Variants in ABTB2 observed in about 807,000 individuals in gnomAD.
ABTB2 encodes the protein ankyrin repeat and BTB domain containing 2.
In ABTB2, 56 loss-of-function variants were observed where a neutral mutation model predicts 104.1. The ratio of observed to expected loss-of-function variants is 0.54; its 90% CI spans 0.43 to 0.67. ABTB2 has a LOEUF of 0.67. Ranked by LOEUF, ABTB2 falls within the 30% of genes least tolerant of loss-of-function variation. The pLI is 0.00. For synonymous variants in ABTB2, 606 were observed against 608.2 expected, an observed-to-expected ratio of 1.00 and a Z score of 0.05; for missense variants, 1,279 against 1,407.7, an observed-to-expected ratio of 0.91 and a Z score of 1.46.
chr11:34,355,793 C>A (rs560728462), intron 1 of ABTB2, among the ~76,000 whole-genome samples: 1 of 152,156 alleles, frequency 6.6e-6, no homozygotes, highest in Non-Finnish European at 1.5e-5. Flanking sequence ...CAATGTCACA[C>A]CCCCTAACAT....
At chr11:34,304,831 C>T (rs1854752384) in intron 1 of ABTB2, among the ~76,000 whole-genome samples, 1 of 152,240 alleles carries the variant, frequency 6.6e-6, no homozygotes, top group African/African-American at 2.4e-5. Context: ...ACCCAAAAGC[C>T]ACAGAGGCCC....
chr11:34,253,188 G>A (rs1199493419), intron 1 of ABTB2, among the ~76,000 whole-genome samples: 1 of 152,140 alleles, frequency 6.6e-6, no homozygotes, highest in East Asian at 1.9e-4. Context: ...CCGTCCCTGG[G>A]TCACTTGCCA....
intron 1 of ABTB2, among the ~76,000 whole-genome samples, chr11:34,286,623 C>T (rs770320565): frequency 3.3e-5 from 5 of 152,102 alleles, no homozygotes; most frequent in Non-Finnish European, 5.9e-5. Flanking sequence ...TCCCCCTTTC[C>T]ATTCCTAGGT....
intron 1 of ABTB2, among the ~76,000 whole-genome samples, chr11:34,293,336 T>C (rs1670066244): frequency 6.6e-6 from 1 of 151,950 alleles, no homozygotes; most frequent in Admixed American, 6.6e-5. Context: ...GAGGGCAGCG[T>C]CCTGGCTGAG....
chr11:34,335,804 G>T (rs778196231), intron 1 of ABTB2: 9 of 1,356,060 alleles, frequency 6.6e-6, no homozygotes, highest in Non-Finnish European at 7.4e-6. Context: ...CTCTGATCTT[G>T]AGGTCCAAAC....
At chr11:34,287,184 T>TG (rs1854515207) in intron 1 of ABTB2, among the ~76,000 whole-genome samples, 2 of 130,680 alleles carry the variant, frequency 1.5e-5, no homozygotes, top group South Asian at 4.8e-4. Context: ...TTGTCTTTAT[T>TG]GAAAAAAAAA....
chr11:34,225,196 G>A (rs996405497), intron 1 of ABTB2, among the ~76,000 whole-genome samples: 4 of 152,162 alleles, frequency 2.6e-5, no homozygotes, highest in Non-Finnish European at 4.4e-5. Context: ...GGCCGTCAGG[G>A]AGGGCAGAGG....
chr11:34,225,581 C>A (rs1590222096), intron 1 of ABTB2, among the ~76,000 whole-genome samples: 1 of 152,000 alleles, frequency 6.6e-6, no homozygotes, highest in East Asian at 1.9e-4. Flanking sequence ...CATGGAGAAA[C>A]CCCGTCTCTA....
At chr11:34,232,925 A>C (rs933164657) in intron 1 of ABTB2, among the ~76,000 whole-genome samples, 14 of 151,934 alleles carry the variant, frequency 9.2e-5, no homozygotes, top group Non-Finnish European at 1.5e-4. Flanking sequence ...ACACCACTGC[A>C]CTCCAGCCTG....
intron 1 of ABTB2, among the ~76,000 whole-genome samples, chr11:34,291,929 G>A (rs1363012784): frequency 6.6e-6 from 1 of 151,400 alleles, no homozygotes; most frequent in Non-Finnish European, 1.5e-5. Context: ...CTTTTAGAGT[G>A]ACTTACACCA....
At chr11:34,319,691 T>G (rs1458169136) in intron 1 of ABTB2, among the ~76,000 whole-genome samples, 1 of 152,146 alleles carries the variant, frequency 6.6e-6, no homozygotes, top group Non-Finnish European at 1.5e-5. Flanking sequence ...TTATTTTATA[T>G]GAAGTCTCAC....
At chr11:34,191,079 A>T (rs1257711039) in intron 3 of ABTB2, among the ~76,000 whole-genome samples, 2 of 152,208 alleles carry the variant, frequency 1.3e-5, no homozygotes, top group East Asian at 3.8e-4. Context: ...ATGACCCAAG[A>T]GGCTTATGGC....
At chr11:34,158,503 C>T (rs540380422) in intron 14 of ABTB2, among the ~76,000 whole-genome samples, 1 of 152,376 alleles carries the variant, frequency 6.6e-6, no homozygotes, top group Admixed American at 6.5e-5. Flanking sequence ...TCACAAACCA[C>T]TCCTGTGCAG....
intron 1 of ABTB2, among the ~76,000 whole-genome samples, chr11:34,294,860 G>A (rs965519667): frequency 6.6e-6 from 1 of 151,922 alleles, no homozygotes; most frequent in Non-Finnish European, 1.5e-5. Flanking sequence ...GATTACAGGT[G>A]CCCAAACCAT....
intron 1 of ABTB2, among the ~76,000 whole-genome samples, chr11:34,246,398 T>C (rs1429897782): frequency 2.6e-5 from 4 of 151,934 alleles, no homozygotes; most frequent in African/African-American, 9.7e-5. Context: ...GGTTGGGAGT[T>C]CGAGACCAGC....
chr11:34,272,388 A>C (rs1196295610), intron 1 of ABTB2, among the ~76,000 whole-genome samples: 1 of 149,974 alleles, frequency 6.7e-6, no homozygotes, highest in Admixed American at 6.8e-5. Flanking sequence ...ACACAATTAG[A>C]GTATAATAGC....
At chr11:34,294,097 A>T (rs1416796911) in intron 1 of ABTB2, among the ~76,000 whole-genome samples, 1 of 152,206 alleles carries the variant, frequency 6.6e-6, no homozygotes, top group Non-Finnish European at 1.5e-5. Flanking sequence ...TAAGTGAGGC[A>T]AAGGCAGGCA....
intron 1 of ABTB2, among the ~76,000 whole-genome samples, chr11:34,330,788 G>A (rs1274789133): frequency 6.6e-6 from 1 of 152,238 alleles, no homozygotes; most frequent in African/African-American, 2.4e-5. Flanking sequence ...CATGGAAAAT[G>A]CTATCAATAG....
At chr11:34,231,083 A>G (rs1404796478) in intron 1 of ABTB2, among the ~76,000 whole-genome samples, 2 of 152,196 alleles carry the variant, frequency 1.3e-5, no homozygotes, top group African/African-American at 4.8e-5. Context: ...GATTTTAGGA[A>G]CAGGGCATGG....
Sources: gnomAD v4.1 joint callset for allele counts (sites outside exome capture counted in the v4.1 genomes callset) on GRCh38, gnomAD v4.1.1 for gene constraint, MANE v1.5 for transcripts, NCBI Gene and HGNC (gene_info 2026-07-23, HGNC 2026-07-21) for gene names.